The following GLMN variants were observed in gnomAD, a reference collection of about 807,000 sequenced individuals.
GLMN encodes the protein glomulin, FKBP associated protein.
A neutral mutation model predicts 87.8 loss-of-function variants in GLMN; 75 were observed. The ratio of observed to expected loss-of-function variants is 0.85; its 90% CI spans 0.71 to 1.04. The LOEUF is 1.04. Among genes scored for constraint, GLMN ranks in the 50% least tolerant of loss-of-function variants. GLMN has a pLI of 0.00. For missense variants in GLMN, 588 were observed against 658.8 expected, an observed-to-expected ratio of 0.89 and a Z score of 1.18; for synonymous variants, 206 against 221.6, an observed-to-expected ratio of 0.93 and a Z score of 0.63.
the GLMN span, among the ~76,000 whole-genome samples, chr1:92,329,797 A>G: frequency 6.6e-6 from 1 of 152,188 alleles, no homozygotes; most frequent in South Asian, 2.1e-4. Flanking sequence ...GGTCCTCCTA[A>G]TATTTGCCTT....
At chr1:92,256,382 ACTC>A (rs1654254367) in intron 16 of GLMN, among the ~76,000 whole-genome samples, 1 of 152,058 alleles carries the variant, frequency 6.6e-6, no homozygotes, top group African/African-American at 2.4e-5. Context: ...AAAAAGAGGG[ACTC>A]CTCCCTAACT....
At chr1:92,364,408 A>G in the GLMN span, among the ~76,000 whole-genome samples, 1 of 152,172 alleles carries the variant, frequency 6.6e-6, no homozygotes, top group Non-Finnish European at 1.5e-5. Flanking sequence ...CCTAGAAAGA[A>G]AATTGGTCAT....
At chr1:92,304,937 G>C in the GLMN span, among the ~76,000 whole-genome samples, 1 of 151,870 alleles carries the variant, frequency 6.6e-6, no homozygotes, top group Admixed American at 6.6e-5. Context: ...AGGAGTTGGA[G>C]GCCAGCCTGG....
At chr1:92,333,421 A>G in the GLMN span, 3 of 1,613,710 alleles carry the variant, frequency 1.9e-6, no homozygotes, top group Middle Eastern at 1.7e-4. Flanking sequence ...GATAGACTCA[A>G]GTTCCCAGAA....
chr1:92,285,048 C>T (rs139597871), intron 7 of GLMN, among the ~76,000 whole-genome samples: 7,344 of 152,186 alleles, frequency 0.048, 601 homozygotes, highest in African/African-American at 0.17. Context: ...TTGTGGAAGA[C>T]AGTGTGGCGA....
At chr1:92,267,796 ACCAGAGTTTTCAAAGGTT>A in intron 11 of GLMN, 99 bp downstream of exon 11, 1 of 721,164 alleles carries the variant, frequency 1.4e-6, no homozygotes. Context: ...ACAGCATTAC[ACCAGAGTTTTCAAAGGTT>A]GCAGAGAAAA....
intron 16 of GLMN, among the ~76,000 whole-genome samples, chr1:92,253,000 TAC>T (rs1186281308): frequency 2.0e-5 from 3 of 152,146 alleles, no homozygotes; most frequent in African/African-American, 7.2e-5. Context: ...CTGCAAAGAA[TAC>T]AGTCAGTGAT....
the GLMN span, among the ~76,000 whole-genome samples, chr1:92,352,733 C>T: frequency 6.6e-6 from 1 of 152,046 alleles, no homozygotes; most frequent in African/African-American, 2.4e-5. Context: ...TTAAAATATA[C>T]AAAATATACA....
intron 3 of GLMN, among the ~76,000 whole-genome samples, chr1:92,296,557 T>C (rs1650081528): frequency 6.6e-6 from 1 of 152,162 alleles, no homozygotes; most frequent in Admixed American, 6.5e-5. Flanking sequence ...CCTGGTCCCA[T>C]CCTTGACACA....
chr1:92,305,273 A>T, the GLMN span, among the ~76,000 whole-genome samples: 2 of 151,694 alleles, frequency 1.3e-5, no homozygotes, highest in African/African-American at 2.4e-5. Context: ...TCTACTAAAA[A>T]TACAAAAAAA....
chr1:92,304,851 A>G, the GLMN span, among the ~76,000 whole-genome samples: 2 of 152,198 alleles, frequency 1.3e-5, no homozygotes, highest in African/African-American at 4.8e-5. Flanking sequence ...ACACTATGGG[A>G]GATGCTGGTC....
chr1:92,323,204 AG>A, the GLMN span, among the ~76,000 whole-genome samples: 1 of 150,610 alleles, frequency 6.6e-6, no homozygotes. Context: ...AAAAAGATGA[AG>A]GAAGAATACA....
chr1:92,319,620 T>C, the GLMN span, among the ~76,000 whole-genome samples: 2 of 152,282 alleles, frequency 1.3e-5, no homozygotes, highest in African/African-American at 2.4e-5. Flanking sequence ...TTACTGACCA[T>C]GTAAAGGAAA....
chr1:92,289,420 C>T (rs930488236), intron 5 of GLMN, among the ~76,000 whole-genome samples: 1 of 152,018 alleles, frequency 6.6e-6, no homozygotes, highest in Non-Finnish European at 1.5e-5. Context: ...ATGTTCTTTC[C>T]ATGTTTTTGG....
At chr1:92,366,823 T>C in the GLMN span, among the ~76,000 whole-genome samples, 1 of 152,178 alleles carries the variant, frequency 6.6e-6, no homozygotes, top group Non-Finnish European at 1.5e-5. Context: ...CCCTGCAATT[T>C]CTGGAAATAG....
At chr1:92,319,807 T>C in the GLMN span, among the ~76,000 whole-genome samples, 2 of 152,162 alleles carry the variant, frequency 1.3e-5, no homozygotes, top group Non-Finnish European at 2.9e-5. Flanking sequence ...AAGACCAGCC[T>C]GACCAACATG....
At chr1:92,358,124 A>G in the GLMN span, among the ~76,000 whole-genome samples, 1 of 152,300 alleles carries the variant, frequency 6.6e-6, no homozygotes, top group South Asian at 2.1e-4. Context: ...CAGATCTGAT[A>G]CTATCTTCCA....
chr1:92,326,654 G>A, the GLMN span, among the ~76,000 whole-genome samples: 1 of 152,210 alleles, frequency 6.6e-6, no homozygotes, highest in African/African-American at 2.4e-5. Context: ...GGGGATGGGA[G>A]TGTGGTTCCC....
chr1:92,330,979 G>T, the GLMN span, among the ~76,000 whole-genome samples: 1 of 152,152 alleles, frequency 6.6e-6, no homozygotes, highest in African/African-American at 2.4e-5. Context: ...ATTAACATTT[G>T]AGAAGCACTG....
Sources: gnomAD v4.1 joint callset for allele counts (sites outside exome capture counted in the v4.1 genomes callset) on GRCh38, gnomAD v4.1.1 for gene constraint, MANE v1.5 for transcripts, NCBI Gene and HGNC (gene_info 2026-07-23, HGNC 2026-07-21) for gene names.